PLEKHA5: variants seen among roughly 807,000 people sequenced by gnomAD.
PLEKHA5 encodes pleckstrin homology domain containing A5.
A neutral mutation model predicts 181.9 loss-of-function variants in PLEKHA5; 55 were observed. The observed-to-expected ratio is 0.30, with a 90% CI of 0.24 to 0.38. PLEKHA5 has a LOEUF of 0.38. Among genes scored for constraint, PLEKHA5 ranks in the 10% least tolerant of loss-of-function variants. The pLI is 1.00. For synonymous variants in PLEKHA5, 535 were observed against 529.4 expected (o/e 1.01, Z -0.15); for missense variants, 1,432 against 1,549.5 (o/e 0.92, Z 1.27).
intron 3 of PLEKHA5, among the ~76,000 whole-genome samples, chr12:19,156,071 A>G (rs914802295): frequency 6.6e-6 from 1 of 152,172 alleles, no homozygotes; most frequent in African/African-American, 2.4e-5. Flanking sequence ...TTTCCGTTTT[A>G]TAATCTTGCT....
At chr12:19,260,431 T>C (rs1310080479) in intron 6 of PLEKHA5, among the ~76,000 whole-genome samples, 3 of 152,232 alleles carry the variant, frequency 2.0e-5, no homozygotes, top group Admixed American at 6.5e-5. Flanking sequence ...TCCTTTTGCA[T>C]GATGGTATTT....
At chr12:19,304,994 CAAGCACT>C in intron 15 of PLEKHA5, among the ~76,000 whole-genome samples, 1 of 152,254 alleles carries the variant, frequency 6.6e-6, no homozygotes, top group Non-Finnish European at 1.5e-5. Context: ...TTTTCTGAAA[CAAGCACT>C]GTCTTGGTGC....
intron 15 of PLEKHA5, among the ~76,000 whole-genome samples, chr12:19,297,487 TGGC>T (rs1304327088): frequency 6.6e-6 from 1 of 150,996 alleles, no homozygotes; most frequent in African/African-American, 2.4e-5. Context: ...CCGGGCGCGG[TGGC>T]GGGCGCCTGT....
At chr12:19,319,958 T>G (rs917810734) in intron 16 of PLEKHA5, 63 bp from the exon 17 acceptor site, 26 of 1,117,406 alleles carry the variant, frequency 2.3e-5, no homozygotes, top group Non-Finnish European at 3.2e-5. Context: ...TTCAGTTTTA[T>G]AAGATTTCGA....
intron 27 of PLEKHA5, 109 bp from the exon 28 acceptor site, chr12:19,359,303 A>G: frequency 1.1e-6 from 1 of 897,556 alleles, no homozygotes; most frequent in Non-Finnish European, 1.7e-6. Flanking sequence ...AAACTTCTTC[A>G]TGAGTGGAGA....
intron 24 of PLEKHA5, among the ~76,000 whole-genome samples, chr12:19,347,567 G>A (rs1156719597): frequency 6.6e-6 from 1 of 152,114 alleles, no homozygotes; most frequent in Non-Finnish European, 1.5e-5. Flanking sequence ...AAGGGGCTGG[G>A]ATGTGGACAT....
intron 3 of PLEKHA5, among the ~76,000 whole-genome samples, chr12:19,212,964 G>T (rs1280010172): frequency 6.6e-6 from 1 of 151,484 alleles, no homozygotes; most frequent in East Asian, 1.9e-4. Flanking sequence ...TCTTGTTCCA[G>T]TACCTATACT....
At chr12:19,238,604 C>T (rs747523299) in intron 3 of PLEKHA5, among the ~76,000 whole-genome samples, 2 of 151,942 alleles carry the variant, frequency 1.3e-5, no homozygotes, top group Non-Finnish European at 2.9e-5. Flanking sequence ...AATGTTTTAA[C>T]GTGGCTTTAA....
intron 21 of PLEKHA5, among the ~76,000 whole-genome samples, chr12:19,340,852 G>C (rs2093852386): frequency 6.7e-6 from 1 of 149,198 alleles, no homozygotes; most frequent in Non-Finnish European, 1.5e-5. Context: ...GAAAACCAGA[G>C]ACCTTTGTTC....
At chr12:19,356,031 G>A (rs2094906887) in intron 26 of PLEKHA5, among the ~76,000 whole-genome samples, 1 of 151,918 alleles carries the variant, frequency 6.6e-6, no homozygotes, top group African/African-American at 2.4e-5. Context: ...CGGGAATGGT[G>A]GCAGGCACCT....
chr12:19,275,612 A>T (rs1403983845), intron 11 of PLEKHA5, among the ~76,000 whole-genome samples: 1 of 152,052 alleles, frequency 6.6e-6, no homozygotes, highest in Non-Finnish European at 1.5e-5. Context: ...AAAAATTCTT[A>T]AAAATTAGCC....
At chr12:19,346,434 G>GT (rs2094336971) in intron 23 of PLEKHA5, among the ~76,000 whole-genome samples, 1 of 152,044 alleles carries the variant, frequency 6.6e-6, no homozygotes. Flanking sequence ...GAGCCCAGGA[G>GT]TTTGAGACCA....
At chr12:19,353,234 A>G (rs1247560120) in intron 25 of PLEKHA5, among the ~76,000 whole-genome samples, 1 of 152,040 alleles carries the variant, frequency 6.6e-6, no homozygotes, top group Non-Finnish European at 1.5e-5. Context: ...GCTCACTGCA[A>G]CCTGCACCTC....
chr12:19,132,825 G>T (rs2034367450), intron 3 of PLEKHA5, among the ~76,000 whole-genome samples: 2 of 142,054 alleles, frequency 1.4e-5, no homozygotes, highest in East Asian at 2.1e-4. Context: ...GGTAATAGAG[G>T]ATTATTGGTC....
chr12:19,350,342 GTGTA>G (rs1471053409), intron 25 of PLEKHA5, among the ~76,000 whole-genome samples: 2 of 152,196 alleles, frequency 1.3e-5, no homozygotes, highest in African/African-American at 4.8e-5. Context: ...CAGAAAGAAT[GTGTA>G]TGTATTTATG....
At chr12:19,162,315 G>T (rs1251437063) in intron 3 of PLEKHA5, among the ~76,000 whole-genome samples, 2 of 152,136 alleles carry the variant, frequency 1.3e-5, no homozygotes, top group African/African-American at 2.4e-5. Context: ...TAGAAGGCAG[G>T]CAAAGATTGT....
At position 19,317,349 on chromosome 12, in the gene PLEKHA5, A is replaced by G. The variant is rs544867699; in HGVS notation, c.2118+2455A>G. Among the ~76,000 whole-genome samples, 4 of 151,562 alleles carry G rather than the reference A, an allele frequency of 2.6e-5. No individual in the cohort carries two copies. The South Asian group carries it at 8.4e-4, about 32-fold the overall frequency. ...AGCCTGGTGGGTGACAGAATGAGAT[A>G]CTATCTCTTTTTTTTTTTTTTTAAG... On this transcript the variant is annotated intron_variant, in intron 16 of 31. Transcript: ENST00000429027.
intron 3 of PLEKHA5, among the ~76,000 whole-genome samples, chr12:19,219,417 G>A (rs1410569059): frequency 6.6e-6 from 1 of 151,386 alleles, no homozygotes; most frequent in African/African-American, 2.4e-5. Context: ...TTTTGTGTTT[G>A]AATATATGTG....
intron 3 of PLEKHA5, chr12:19,205,293 G>A: frequency 1.4e-6 from 1 of 700,220 alleles, no homozygotes; most frequent in Non-Finnish European, 1.8e-6. Context: ...AGACTGCGGT[G>A]TGGTTCAGTT....
Sources: gnomAD v4.1 joint callset for allele counts (sites outside exome capture counted in the v4.1 genomes callset) on GRCh38, gnomAD v4.1.1 for gene constraint, MANE v1.5 for transcripts, NCBI Gene and HGNC (gene_info 2026-07-23, HGNC 2026-07-21) for gene names.